Variants in BSN observed in about 807,000 individuals in gnomAD.
BSN encodes the protein protein bassoon.
In BSN, 57 loss-of-function variants were observed where a neutral mutation model predicts 264.8. That is an observed-to-expected ratio of 0.22 (90% CI 0.17 to 0.27). BSN has a LOEUF of 0.27. Among genes scored for constraint, BSN ranks in the 10% least tolerant of loss-of-function variants. BSN has a pLI of 1.00. For missense variants in BSN, 4,615 were observed against 5,232.5 expected (o/e 0.88, Z 3.64); for synonymous variants, 2,059 against 2,137.3 (o/e 0.96, Z 1.01).
rs1246113126 is a variant in BSN at position 49,660,850 on chromosome 3, T to C, written c.9005T>C (p.Leu3002Ser). ...KDRGGRDYPP[L>S]RGLGEHRDYL... ...CGGGGTGGCCGTGACTACCCACCCT[T>C]GCGTGGTCTTGGCGAGCATCGTGAC... The change falls in exon 6 of 12, where the codon TTG (leucine) becomes TCG (serine). Residue 3002 changes from leucine (L) to serine (S), a missense_variant. This residue lies in a region of BSN where 3,415 missense variants were observed against 3,866.4 expected (regional missense o/e 0.88). Transcript: ENST00000296452. The surrounding 1 kb of genome is among the most constrained non-coding windows in gnomAD (Gnocchi z 7.1). 2 of 1,613,118 alleles carry C rather than the reference T, an allele frequency of 1.2e-6. No individual in the cohort carries two copies. The highest frequency in any genetic ancestry group is 1.7e-6 in the Non-Finnish European group (2 of 1,179,996).
intron 2 of BSN, among the ~76,000 whole-genome samples, chr3:49,637,240 T>G (rs1260078440): frequency 2.6e-5 from 4 of 152,064 alleles, no homozygotes; most frequent in Admixed American, 6.5e-5. Context: ...TTTTCCTTGC[T>G]GCTGGGGGGG....
intron 1 of BSN, among the ~76,000 whole-genome samples, chr3:49,559,184 C>T (rs1163149453): frequency 1.3e-5 from 2 of 152,158 alleles, no homozygotes; most frequent in African/African-American, 4.8e-5. Flanking sequence ...GCCTCAGCCT[C>T]CCAAAGTGCT....
At chr3:49,609,039 G>A (rs980625684) in intron 1 of BSN, among the ~76,000 whole-genome samples, 3 of 151,614 alleles carry the variant, frequency 2.0e-5, no homozygotes, top group South Asian at 4.2e-4. Flanking sequence ...AATCTGGTGA[G>A]GGCCCATAGA....
rs370728579 is a variant in BSN at position 49,652,501 on chromosome 3, C to T, written c.2945C>T (p.Thr982Ile). 19 of 1,613,660 alleles carry T rather than the reference C, an allele frequency of 1.2e-5. No homozygotes were observed. Among genetic ancestry groups the T allele is most frequent in the African/African-American group, 4.0e-5 (3 of 74,932 alleles). The stretch of plus-strand genomic sequence containing the variant: ...CGCTCCCGTGGTGAGCACTCCTCTA[C>T]ATTGCCTGCCTCCACACCCAGCTAC... ...EDRSRGEHSS[T>I]LPASTPSYTS... Residue 982 changes from threonine to isoleucine, a missense_variant, in exon 5 of 12, where the codon ACA (threonine) becomes ATA (isoleucine). By Grantham distance (89) the Thr-to-Ile change is moderately conservative (BLOSUM62 -1). Around this residue, in one of 3 missense-constraint regions of BSN, gnomAD observed 1,197 missense variants for 1,348.0 expected, o/e 0.89. Transcript: ENST00000296452.
rs1212774598 is a variant in BSN, at chr3:49,653,851, C to T, written c.4295C>T (p.Thr1432Ile). The T allele has an allele frequency of 6.2e-7, 1 of 1,614,114 alleles. No individual in the cohort carries two copies. Among genetic ancestry groups the T allele is most frequent in the Admixed American group, 1.7e-5 (1 of 60,022 alleles). ...ACCACTGCAAACTATGGGTCCCAAA[C>T]TGAGGATCTACCCCAGGCCCCCAGT... ...SPTTANYGSQ[T>I]EDLPQAPSGL... Residue 1432 changes from threonine (T) to isoleucine (I), a missense_variant, in exon 5 of 12, where the codon ACT becomes ATT. Physicochemically the swap from Thr to Ile is moderately conservative, Grantham distance 89. Transcript: ENST00000296452. The surrounding 1 kb of genome is among the most constrained non-coding windows in gnomAD (Gnocchi z 6.3).
In BSN at chr3:49,654,949, A is replaced by G; in HGVS notation, c.5393A>G (p.Lys1798Arg). The change falls in exon 5 of 12, where the codon AAG (lysine) becomes AGG (arginine). Residue 1798 changes from lysine to arginine, a missense_variant. Lys to Arg is a conservative substitution (Grantham distance 26). Transcript: ENST00000296452. This position sits in a 1 kb window ranked among gnomAD's most constrained non-coding sequence, Gnocchi z 4.1. Reference protein sequence around the residue: ...SGPRGRPREAKFARYNLPNQV... With the variant: ...SGPRGRPREARFARYNLPNQV... ...CCCCGGGGAAGACCCAGGGAGGCCA[A>G]GTTTGCCAGATATAACCTACCCAAC... 1.2e-6 allele frequency: 2 copies of G among 1,611,824 alleles called. No individual in the cohort carries two copies. Among genetic ancestry groups the G allele is most frequent in the South Asian group, 2.2e-5 (2 of 90,934 alleles).
chr3:49,569,628 C>T (rs1320931904), intron 1 of BSN, among the ~76,000 whole-genome samples: 1 of 152,216 alleles, frequency 6.6e-6, no homozygotes, highest in Non-Finnish European at 1.5e-5. Flanking sequence ...TGTCGTCCAT[C>T]CTCATCTTCA....
In BSN at chr3:49,658,015, C is replaced by A; in HGVS notation, c.8459C>A (p.Ala2820Asp). ...GCTTCCAGTGAGAGGCTGAACAAAG[C>A]TCACGTGAGTCCCCAGAAGCACTTC... ...SFASSERLNK[A>D]HVSPQKHFTA... Residue 2820 changes from alanine to aspartate, a missense_variant, in exon 5 of 12, where the codon GCT (alanine) becomes GAT (aspartate). Ala to Asp is a moderately radical substitution (Grantham distance 126). Transcript: ENST00000296452. 2 of 1,613,488 alleles carry A rather than the reference C, an allele frequency of 1.2e-6. No homozygotes were observed. Among genetic ancestry groups the A allele is most frequent in the Non-Finnish European group, 1.7e-6 (2 of 1,179,836 alleles).
rs1253616807 is a variant in BSN at position 49,654,821 on chromosome 3, C to T, written c.5265C>T (p.Tyr1755=). The T allele has an allele frequency of 6.2e-7, 1 of 1,613,374 alleles. No individual in the cohort carries two copies. Among genetic ancestry groups the T allele is most frequent in the Non-Finnish European group, 8.5e-7 (1 of 1,179,950 alleles). Residue 1755 remains tyrosine (Y), a synonymous_variant, in exon 5 of 12, where the codon TAC becomes TAT. Coordinates refer to ENST00000296452, the MANE Select transcript of BSN (RefSeq NM_003458.4). The surrounding 1 kb of genome is among the most constrained non-coding windows in gnomAD (Gnocchi z 4.1). ...AGCCTGTGGTCTATGGAGACCCCTA[C>T]CAGAGCCGCCTTGACTTTGGCCAGG... ...QKQPVVYGDP[Y]QSRLDFGQGG...
chr3:49,640,041 C>CCA (rs1553665254), intron 2 of BSN, among the ~76,000 whole-genome samples: 2 of 48,690 alleles, frequency 4.1e-5, no homozygotes, highest in Non-Finnish European at 9.2e-5. Flanking sequence ...AGGGCTGGAG[C>CCA]CACGTGTGGG....
chr3:49,576,025 C>T (rs1169862371), intron 1 of BSN, among the ~76,000 whole-genome samples: 1 of 152,146 alleles, frequency 6.6e-6, no homozygotes, highest in Non-Finnish European at 1.5e-5. Context: ...TCCCCACCCT[C>T]CCACTTTTCA....
Position 49,652,200 on chromosome 3 carries a change from A to C in BSN, c.2644A>C (p.Arg882=), listed in dbSNP as rs1224660787. ...HGTQKGGPRP[R]PEPSQEPAAL... Reference sequence around the variant, plus strand: ...CACCCAGAAAGGTGGCCCCAGACCCAGGCCTGAGCCTAGCCAAGAACCAGC... The same window carrying C: ...CACCCAGAAAGGTGGCCCCAGACCCCGGCCTGAGCCTAGCCAAGAACCAGC... Residue 882 remains arginine (R), a synonymous_variant, in exon 5 of 12, where the codon AGG becomes CGG. Coordinates refer to ENST00000296452, the MANE Select transcript of BSN (RefSeq NM_003458.4). 6.2e-7 allele frequency: 1 copy of C among 1,613,510 alleles called. No individual in the cohort carries two copies. The highest frequency in any genetic ancestry group is 1.1e-5 in the South Asian group (1 of 91,044).
At position 49,653,862 on chromosome 3, in the gene BSN, C is replaced by T. The variant is rs2052567720; in HGVS notation, c.4306C>T (p.Pro1436Ser). Residue 1436 changes from proline to serine, a missense_variant, in exon 5 of 12, where the codon CCC (proline) becomes TCC (serine). Coordinates refer to ENST00000296452, the MANE Select transcript of BSN (RefSeq NM_003458.4). The surrounding 1 kb of genome is among the most constrained non-coding windows in gnomAD (Gnocchi z 6.3). ...ANYGSQTEDL[P>S]QAPSGLAAAG... Reference sequence around the variant, plus strand: ...CTATGGGTCCCAAACTGAGGATCTACCCCAGGCCCCCAGTGGCCTTGCTGC... The same window carrying T: ...CTATGGGTCCCAAACTGAGGATCTATCCCAGGCCCCCAGTGGCCTTGCTGC... The T allele has an allele frequency of 6.2e-7, 1 of 1,614,096 alleles. No individual in the cohort carries two copies. The highest frequency in any genetic ancestry group is 8.5e-7 in the Non-Finnish European group (1 of 1,179,970).
chr3:49,561,550 T>C (rs149208310), intron 1 of BSN, among the ~76,000 whole-genome samples: 1 of 152,080 alleles, frequency 6.6e-6, no homozygotes, highest in Non-Finnish European at 1.5e-5. Flanking sequence ...AAAATTTTTT[T>C]AATTAATTAT....
At chr3:49,590,421 G>A (rs551940576) in intron 1 of BSN, among the ~76,000 whole-genome samples, 1 of 151,846 alleles carries the variant, frequency 6.6e-6, no homozygotes, top group East Asian at 1.9e-4. Context: ...TGGCATTTTG[G>A]TTTTTTACTA....
At chr3:49,574,630 CTTTTTTTTTTTT>C (rs60300269) in intron 1 of BSN, among the ~76,000 whole-genome samples, 1 of 51,920 alleles carries the variant, frequency 1.9e-5, no homozygotes, top group Non-Finnish European at 3.5e-5. Flanking sequence ...GGTGGGGTTT[CTTTTTTTTTTTT>C]TTTTTTTTTT....
rs2108103947 is a variant in BSN, at chr3:49,667,817, C to T, written c.*332C>T. The T allele has an allele frequency of 6.6e-6, 1 of 152,652 alleles. No homozygotes were observed. Among genetic ancestry groups the T allele is most frequent in the East Asian group, 1.9e-4 (1 of 5,178 alleles). 9.5% of individuals were successfully genotyped at this position (152,652 alleles called of 1,614,324 possible). On this transcript the variant is annotated 3_prime_UTR_variant, in exon 12 of 12. Coordinates refer to ENST00000296452, the MANE Select transcript of BSN (RefSeq NM_003458.4). ...CCTTGTTGGGAGGGAGAACCCTCTC[C>T]AGAAACCCTGCCACCATGGTGTCTT...
chr3:49,657,993 T>C lies in BSN; in HGVS notation c.8437T>C (p.Ser2813Pro). ...CCGGCTCCTGGACACCTCCTTTGCT[T>C]CCAGTGAGAGGCTGAACAAAGCTCA... ...PHRLLDTSFA[S>P]SERLNKAHVS... is the part of the protein sequence containing the mutation. Residue 2813 changes from serine to proline, a missense_variant, in exon 5 of 12, where the codon TCC becomes CCC. Around this residue, in one of 3 missense-constraint regions of BSN, gnomAD observed 3,415 missense variants for 3,866.4 expected, o/e 0.88. Coordinates refer to ENST00000296452, the MANE Select transcript of BSN (RefSeq NM_003458.4). The C allele has an allele frequency of 6.2e-7, 1 of 1,612,482 alleles. No individual in the cohort carries two copies.
At chr3:49,639,193 C>G (rs1031506726) in intron 2 of BSN, among the ~76,000 whole-genome samples, 1 of 139,454 alleles carries the variant, frequency 7.2e-6, no homozygotes, top group Non-Finnish European at 1.6e-5. Context: ...TTCTTTCTTT[C>G]TTTTTCTTTT....
Sources: gnomAD v4.1 joint callset for allele counts (sites outside exome capture counted in the v4.1 genomes callset) on GRCh38, gnomAD v4.1.1 for gene constraint, gnomAD v4.1.1 regional missense constraint, Gnocchi (gnomAD v3.1) non-coding constraint, MANE v1.5 for transcripts, NCBI Gene and HGNC (gene_info 2026-07-23, HGNC 2026-07-21) for gene names.